The following RPL7 variants were observed in gnomAD, a reference collection of about 807,000 sequenced individuals.
RPL7 encodes large ribosomal subunit protein uL30.
For synonymous variants in RPL7, 100 were observed against 102.2 expected (o/e 0.98, Z 0.13); for missense variants, 205 against 301.9 (o/e 0.68, Z 2.38).
In RPL7 at chr8:73,292,059, G is replaced by A. The variant is rs140286038; in HGVS notation, c.291-149C>T. The A allele has an allele frequency of 9.8e-4, 1,200 of 1,227,322 alleles. 9 individuals are homozygous for A. In the East Asian group the frequency reaches 0.017, roughly 17 times the overall value. 76.0% of individuals were successfully genotyped at this position (1,227,322 alleles called of 1,614,324 possible). A position where few individuals can be genotyped will look rare whatever the true frequency, so the allele number is the denominator to read the frequency against. On this transcript the variant is annotated intron_variant, in intron 3 of 6. Transcript: ENST00000352983. ...GAATTTCTGTATTCTATTAAGAGAA[G>A]GGATAGGAGCTTGGGGAACATGGCT...
At chr8:73,293,729 TA>T, upstream of RPL7, 1 of 1,324,812 alleles carries the variant, frequency 7.5e-7, no homozygotes, top group Non-Finnish European at 1.1e-6. Context: ...AATCCAGAAC[TA>T]AAAAGCCGCC....
chr8:73,292,510 G>T, intron 2 of RPL7, 105 bp from the exon 3 acceptor site: 2 of 1,190,292 alleles, frequency 1.7e-6, no homozygotes, highest in Non-Finnish European at 1.2e-6. Flanking sequence ...ATCTTTTCTT[G>T]CCACAGTATG....
rs573727958 is a variant in RPL7 at position 73,290,357 on chromosome 8, C to T, written c.*350G>A. 1.3e-5 allele frequency: 2 copies of T among 152,234 alleles called. No homozygotes were observed. Among genetic ancestry groups the T allele is most frequent in the South Asian group, 2.1e-4 (1 of 4,804 alleles). 9.4% of individuals were successfully genotyped at this position (152,234 alleles called of 1,614,324 possible). ...TTTCCATAAACCAAAGTTGGATTAC[C>T]TTACCGACAAATCATGTACAAATGC... is the stretch of plus-strand genomic sequence containing the variant. On this transcript the variant is annotated 3_prime_UTR_variant, in exon 7 of 7. Transcript: ENST00000352983.
chr8:73,292,935 C>CT lies in RPL7; in HGVS notation c.15-139dup. 4 of 611,106 alleles carry CT rather than the reference C, an allele frequency of 6.5e-6. No individual in the cohort carries two copies. In the South Asian group the frequency reaches 8.6e-5, roughly 13 times the overall value. 37.9% of individuals were successfully genotyped at this position (611,106 alleles called of 1,614,324 possible). On this transcript the variant is annotated intron_variant, in intron 1 of 6. Coordinates refer to ENST00000352983, the MANE Select transcript of RPL7 (RefSeq NM_000971.4). ...TAGTAACTTTACTTGCTCTGGCATG[C>CT]TACAGTGTACGATGCATATTTTAGC...
chr8:73,293,485 A>T, intron 1 of RPL7, 114 bp downstream of exon 1: 1 of 1,323,960 alleles, frequency 7.6e-7, no homozygotes, highest in Non-Finnish European at 1.1e-6. Flanking sequence ...GTTCACAATC[A>T]AGCAGGGAGG....
Position 73,290,315 on chromosome 8 carries a change from G to T in RPL7, c.*392C>A, listed in dbSNP as rs561672894. On this transcript the variant is annotated 3_prime_UTR_variant, in exon 7 of 7. Coordinates refer to ENST00000352983, the MANE Select transcript of RPL7 (RefSeq NM_000971.4). The stretch of plus-strand genomic sequence containing the variant: ...GCGAAGGCCCGAGAAATAAATTTTA[G>T]CAACTAAATTCAATTTTTTCCATAA... 6.6e-6 allele frequency: 1 copy of T among 152,126 alleles called. No homozygotes were observed. Among genetic ancestry groups the T allele is most frequent in the Non-Finnish European group, 1.5e-5 (1 of 68,030 alleles). 9.4% of individuals were successfully genotyped at this position (152,126 alleles called of 1,614,324 possible). A position where few individuals can be genotyped will look rare whatever the true frequency, so the allele number is the denominator to read the frequency against.
chr8:73,293,911 A>G (rs747218072), upstream of RPL7: 21 of 381,664 alleles, frequency 5.5e-5, no homozygotes, highest in Non-Finnish European at 1.0e-4. Flanking sequence ...TGACAGGATT[A>G]GGCTCCGTTC....
intron 1 of RPL7, chr8:73,293,195 A>T: frequency 4.4e-6 from 1 of 226,632 alleles, no homozygotes; most frequent in Admixed American, 5.4e-5. Context: ...AATAAAAAAA[A>T]AACAAGCCAC....
At chr8:73,293,343 G>A (rs1409095118) in intron 1 of RPL7, 2 of 500,244 alleles carry the variant, frequency 4.0e-6, no homozygotes, top group Non-Finnish European at 7.3e-6. Context: ...ACCGAGGACT[G>A]GGCCGTCAGC....
At chr8:73,293,269 T>A (rs1814152180) in intron 1 of RPL7, 1 of 364,064 alleles carries the variant, frequency 2.7e-6, no homozygotes, top group African/African-American at 2.1e-5. Context: ...GGGAGGCCTG[T>A]ACCAAGCACC....
chr8:73,291,341 G>A (rs4394387), intron 5 of RPL7, 89 bp from the exon 6 acceptor site: 851,835 of 1,070,888 alleles, frequency 0.8, 339,932 homozygotes, highest in East Asian at 0.92. Context: ...GCTGTGAGAT[G>A]AAAACATAAC....
rs749058137 is a variant in RPL7, at chr8:73,291,065, C to T, written c.726G>A (p.Arg242=). 2.5e-6 allele frequency: 4 copies of T among 1,609,758 alleles called. No homozygotes were observed. Among genetic ancestry groups the T allele is most frequent in the Non-Finnish European group, 8.5e-7 (1 of 1,177,700 alleles). ...DAGNREDQIN[R]LIRRMN ...CACCTTAGTTCATTCTTCTAATAAG[C>T]CTGTTGATCTGGTCCTCCCTGTTGC... The change falls in exon 6 of 7, where the codon AGG becomes AGA. Residue 242 remains arginine (R), a synonymous_variant. Transcript: ENST00000352983.
intron 6 of RPL7, 127 bp downstream of exon 6, chr8:73,290,916 C>CCCACTCCCCACAAAAGCA: frequency 1.4e-6 from 1 of 711,210 alleles, no homozygotes; most frequent in South Asian, 1.9e-5. Context: ...ATAGTTGACC[C>CCCACTCCCCACAAAAGCA]CCACTCCCCA....
At chr8:73,291,308 T>A (rs981071410) in intron 5 of RPL7, 56 bp from the exon 6 acceptor site, 4 of 1,404,968 alleles carry the variant, frequency 2.8e-6, no homozygotes, top group African/African-American at 2.9e-5. Flanking sequence ...TTTGAAATAA[T>A]TATTCAAAAT....
intron 1 of RPL7, chr8:73,293,078 A>C (rs889819179): frequency 1.5e-5 from 5 of 328,386 alleles, no homozygotes; most frequent in African/African-American, 2.1e-5. Context: ...TAATTAAAAA[A>C]AAAAACAAAA....
At chr8:73,293,242 G>A in intron 1 of RPL7, 1 of 266,348 alleles carries the variant, frequency 3.8e-6, no homozygotes, top group Non-Finnish European at 7.1e-6. Flanking sequence ...CATGTTGAAA[G>A]CAAAGGCCTG....
intron 1 of RPL7, 26 bp downstream of exon 1, chr8:73,293,573 T>C: frequency 6.2e-7 from 1 of 1,613,602 alleles, no homozygotes; most frequent in Non-Finnish European, 8.5e-7. Flanking sequence ...GGAGAAGGAT[T>C]CTCAAGAGGA....
intron 4 of RPL7, 37 bp downstream of exon 4, chr8:73,291,736 T>C (rs1421782294): frequency 2.5e-6 from 4 of 1,592,714 alleles, no homozygotes; most frequent in Non-Finnish European, 3.4e-6. Context: ...ACATAACCAA[T>C]TTATCAAATA....
At chr8:73,293,781 A>G (rs938505423), upstream of RPL7, 4 of 729,778 alleles carry the variant, frequency 5.5e-6, no homozygotes, top group African/African-American at 3.6e-5. Context: ...CTCTTTCAAC[A>G]AACTTTCGGG....
Sources: gnomAD v4.1 joint callset for allele counts on GRCh38, gnomAD v4.1.1 for gene constraint, MANE v1.5 for transcripts, NCBI Gene and HGNC (gene_info 2026-07-23, HGNC 2026-07-21) for gene names.